ZNF780B: variants seen among roughly 807,000 people sequenced by gnomAD.
The protein encoded by ZNF780B is zinc finger protein 780B, also known as zinc finger protein 779.
A neutral mutation model predicts 74.1 loss-of-function variants in ZNF780B; 52 were observed. That is an observed-to-expected ratio of 0.70 (90% CI 0.56 to 0.88). The LOEUF is 0.88. ZNF780B is among the 40% of genes least tolerant of loss of function. The pLI is 0.00. For missense variants in ZNF780B, 953 were observed against 1,007.6 expected, an observed-to-expected ratio of 0.95 and a Z score of 0.73; for synonymous variants, 315 against 324.3, an observed-to-expected ratio of 0.97 and a Z score of 0.31.
intron 4 of ZNF780B, among the ~76,000 whole-genome samples, chr19:40,040,006 CTTCCAGTT>C (rs1972555946): frequency 6.6e-6 from 1 of 152,042 alleles, no homozygotes; most frequent in Non-Finnish European, 1.5e-5. Flanking sequence ...AAAGGGAATG[CTTCCAGTT>C]TTTGCCCATT....
intron 4 of ZNF780B, among the ~76,000 whole-genome samples, chr19:40,039,274 T>TCTGTTTTGGTAACAGTACCATG (rs1181227778): frequency 7.9e-5 from 12 of 152,252 alleles, no homozygotes; most frequent in Non-Finnish European, 1.3e-4. Context: ...GATCTATATC[T>TCTGTTTTGGTAACAGTACCATG]CTGTTTTGGT....
At chr19:40,050,851 T>C (rs1392075936) in intron 1 of ZNF780B, among the ~76,000 whole-genome samples, 1 of 152,204 alleles carries the variant, frequency 6.6e-6, no homozygotes, top group Non-Finnish European at 1.5e-5. Flanking sequence ...GGAAAGGATA[T>C]AGACAGAATT....
In ZNF780B at chr19:40,031,668, A is replaced by G. The variant is rs1355680518; in HGVS notation, c.*2689T>C. The G allele has an allele frequency of 6.2e-6, 1 of 161,988 alleles. No homozygotes were observed. Among genetic ancestry groups the G allele is most frequent in the African/African-American group, 2.4e-5 (1 of 41,632 alleles). The allele number at this position is 161,988 out of a possible 1,614,324, so 10.0% of individuals were successfully genotyped here. A position where few individuals can be genotyped will look rare whatever the true frequency, so the allele number is the denominator to read the frequency against. On this transcript the variant is annotated 3_prime_UTR_variant, in exon 5 of 5. Transcript: ENST00000434248. ...TCCGGACAATCTTGGCTCCCTATAC[A>G]ATCCAAAGGGTGCCAGTTTTGTACT...
rs1971988747 is a variant in ZNF780B, at chr19:40,031,238, T to A, written c.*3119A>T. ...TATCATGTTTTGTTTTGGGGTTTTT[T>A]TGAGATGAAGTCTCACTTTGTCGCC... On this transcript the variant is annotated 3_prime_UTR_variant, in exon 5 of 5. Transcript: ENST00000434248. The A allele has an allele frequency of 6.6e-6, 1 of 152,262 alleles. No homozygotes were observed. The highest frequency in any genetic ancestry group is 1.5e-5 in the Non-Finnish European group (1 of 68,054). The allele number at this position is 152,262 out of a possible 1,614,324, so 9.4% of individuals were successfully genotyped here. A position where few individuals can be genotyped will look rare whatever the true frequency, so the allele number is the denominator to read the frequency against.
At chr19:40,045,315 G>T (rs1972883176) in intron 4 of ZNF780B, among the ~76,000 whole-genome samples, 1 of 152,020 alleles carries the variant, frequency 6.6e-6, no homozygotes, top group African/African-American at 2.4e-5. Context: ...AGAAACATTG[G>T]GTTTAAACAT....
At chr19:40,038,020 G>A (rs907806585) in intron 4 of ZNF780B, among the ~76,000 whole-genome samples, 37 of 150,504 alleles carry the variant, frequency 2.5e-4, no homozygotes, top group African/African-American at 3.9e-4. Flanking sequence ...CCATTAACTC[G>A]TCATTTAGCA....
intron 4 of ZNF780B, among the ~76,000 whole-genome samples, chr19:40,038,669 T>C (rs1204627736): frequency 1.3e-5 from 2 of 152,136 alleles, no homozygotes; most frequent in South Asian, 2.1e-4. Flanking sequence ...TGGCCAGTGA[T>C]GATGAGCATT....
Position 40,031,860 on chromosome 19 carries a change from CACTACAA to C in ZNF780B, c.*2490_*2496del, listed in dbSNP as rs1972016218. On this transcript the variant is annotated 3_prime_UTR_variant, in exon 5 of 5. Transcript: ENST00000434248. ...AACGTCTCTCCATAGATTACTTACC[CACTACAA>C]ACTAAATCTTTACAATGGACTTACG... The C allele has an allele frequency of 3.5e-6, 1 of 282,460 alleles. No homozygotes were observed. The highest frequency in any genetic ancestry group is 2.2e-5 in the African/African-American group (1 of 45,696). 17.5% of individuals were successfully genotyped at this position (282,460 alleles called of 1,614,324 possible). A position where few individuals can be genotyped will look rare whatever the true frequency, so the allele number is the denominator to read the frequency against.
Position 40,047,383 on chromosome 19 carries a change from C to T in ZNF780B, c.224G>A (p.Trp75Ter). ...WIVVSKETSRWYPDLESKYGP... is the reference protein window; with the variant it reads ...WIVVSKETSR ...GCTTTACTCTCACTTACCTGGATAC[C>T]ATCTGCTTGTTTCTTTACTTACAAC... The change falls in exon 4 of 5, where the codon TGG (tryptophan) becomes TAG (stop). Residue 75 changes from tryptophan to a stop codon, truncating the protein, a stop_gained. Coordinates refer to ENST00000434248, the MANE Select transcript of ZNF780B (RefSeq NM_001005851.3). LOFTEE classifies it high-confidence loss of function. The T allele has an allele frequency of 4.3e-6, 7 of 1,613,020 alleles. No homozygotes were observed. Among genetic ancestry groups the T allele is most frequent in the South Asian group, 1.1e-5 (1 of 91,050 alleles).
intron 1 of ZNF780B, among the ~76,000 whole-genome samples, chr19:40,053,656 T>C (rs999888767): frequency 6.6e-6 from 1 of 152,156 alleles, no homozygotes; most frequent in Non-Finnish European, 1.5e-5. Context: ...ATGGAATCAA[T>C]CTAACTGTCT....
intron 3 of ZNF780B, 97 bp downstream of exon 3, chr19:40,048,573 T>A: frequency 1.3e-6 from 2 of 1,582,788 alleles, no homozygotes; most frequent in Non-Finnish European, 1.7e-6. Flanking sequence ...GAAGAAGGAA[T>A]CCAACTACCT....
chr19:40,034,254 C>A lies in ZNF780B; in HGVS notation c.*103G>T. The A allele has an allele frequency of 1.3e-5, 13 of 992,424 alleles. No homozygotes were observed. The highest frequency in any genetic ancestry group is 1.9e-5 in the Non-Finnish European group (13 of 668,910). The allele number at this position is 992,424 out of a possible 1,614,324, so 61.5% of individuals were successfully genotyped here. ...ACCACTGGTAAAGCATTTCCCACAT[C>A]CTTGACATTCATAAGGGTTCTCACG... On this transcript the variant is annotated 3_prime_UTR_variant, in exon 5 of 5. Transcript: ENST00000434248.
At position 40,036,243 on chromosome 19, in the gene ZNF780B, T is replaced by C. The variant is rs1240143909; in HGVS notation, c.616A>G (p.Ile206Val). 5 of 1,612,106 alleles carry C rather than the reference T, an allele frequency of 3.1e-6. No individual in the cohort carries two copies. The highest frequency in any genetic ancestry group is 1.3e-5 in the African/African-American group (1 of 74,804). Residue 206 changes from isoleucine (I) to valine (V), a missense_variant, in exon 5 of 5, where the codon ATA becomes GTA. By Grantham distance (29) the Ile-to-Val change is conservative. Transcript: ENST00000434248. The stretch of plus-strand genomic sequence containing the variant: ...AATTTCTGATGTCGAGTAAGTTGTA[T>C]GTGAAGTTGAAAGGCTTTCCCACAT... ...KECGKAFQLH[I>V]QLTRHQKFHT... is the part of the protein sequence containing the mutation.
At position 40,047,434 on chromosome 19, in the gene ZNF780B, AG is replaced by A. The variant is rs750418020; in HGVS notation, c.172del (p.Leu58Ter). 2.5e-6 allele frequency: 4 copies of A among 1,613,918 alleles called. No individual in the cohort carries two copies. Among genetic ancestry groups the A allele is most frequent in the Non-Finnish European group, 3.4e-6 (4 of 1,179,870 alleles). The part of the protein sequence containing the change: ...SISKPDVITL[L>X]EQEKEPWIVV... ...AATCCAGGGCTCTTTCTCTTGCTCTAGTAATGTAATCACATCTGGCTTAGAA... is the reference window on the plus strand; with the variant it reads ...AATCCAGGGCTCTTTCTCTTGCTCTATAATGTAATCACATCTGGCTTAGAA... On this transcript the variant is annotated frameshift_variant, in exon 4 of 5. Transcript: ENST00000434248. LOFTEE classifies it high-confidence loss of function.
intron 4 of ZNF780B, among the ~76,000 whole-genome samples, chr19:40,043,508 G>T (rs1972769123): frequency 6.6e-6 from 1 of 152,240 alleles, no homozygotes. Flanking sequence ...GCCCCCAGAG[G>T]TGGAGCCTAC....
intron 4 of ZNF780B, among the ~76,000 whole-genome samples, chr19:40,046,298 T>G (rs955709859): frequency 6.6e-6 from 1 of 152,240 alleles, no homozygotes; most frequent in East Asian, 1.9e-4. Flanking sequence ...GTGGATCTGA[T>G]GGATACCTCA....
chr19:40,035,547 T>A lies in ZNF780B; in HGVS notation c.1312A>T (p.Ile438Phe). 6.2e-7 allele frequency: 1 copy of A among 1,613,620 alleles called. No homozygotes were observed. Among genetic ancestry groups the A allele is most frequent in the Middle Eastern group, 1.7e-4 (1 of 6,054 alleles). Residue 438 changes from isoleucine (I) to phenylalanine (F), a missense_variant, in exon 5 of 5, where the codon ATT becomes TTT. By Grantham distance (21) the Ile-to-Phe change is conservative. Transcript: ENST00000434248. ...RGANLIQHQK[I>F]HSNEKPFVCR... ...ACAAAGGGTTTCTCATTGGAATGAATTTTTTGATGCTGAATAAGATTTGCA... is the reference window on the plus strand; with the variant it reads ...ACAAAGGGTTTCTCATTGGAATGAAATTTTTGATGCTGAATAAGATTTGCA...
In ZNF780B at chr19:40,036,108, A is replaced by G; in HGVS notation, c.751T>C (p.Cys251Arg). ...NIHTVKKLFE[C>R]KECGKSFNRS... ...TTAAAAGACTTCCCACATTCCTTAC[A>G]TTCAAACAGTTTCTTAACTGTGTGA... The change falls in exon 5 of 5, where the codon TGT (cysteine) becomes CGT (arginine). Residue 251 changes from cysteine to arginine, a missense_variant. Physicochemically the swap from Cys to Arg is radical, Grantham distance 180. Transcript: ENST00000434248. 1 of 1,613,674 alleles carries G rather than the reference A, an allele frequency of 6.2e-7. No individual in the cohort carries two copies. Among genetic ancestry groups the G allele is most frequent in the Non-Finnish European group, 8.5e-7 (1 of 1,179,848 alleles).
Position 40,033,862 on chromosome 19 carries a change from CAGT to C in ZNF780B, c.*492_*494del, listed in dbSNP as rs1242965358. On this transcript the variant is annotated 3_prime_UTR_variant, in exon 5 of 5. Transcript: ENST00000434248. ...CCTTTACATTCACAGGGTTGCTCAC[CAGT>C]ATGAATTTTAACATGTTGAACAAGG... The C allele has an allele frequency of 5.2e-6, 1 of 192,036 alleles. No homozygotes were observed. Among genetic ancestry groups the C allele is most frequent in the Non-Finnish European group, 1.1e-5 (1 of 90,472 alleles). 11.9% of individuals were successfully genotyped at this position (192,036 alleles called of 1,614,324 possible).
Sources: allele counts gnomAD v4.1 joint callset (sites outside exome capture counted in the v4.1 genomes callset), GRCh38; gene constraint gnomAD v4.1.1; transcripts MANE v1.5; gene names NCBI Gene and HGNC (gene_info 2026-07-23, HGNC 2026-07-21).